The following PKD1L1 variants were observed in gnomAD, a reference collection of about 807,000 sequenced individuals.
PKD1L1 encodes polycystin 1 like 1, transient receptor potential channel interacting, also known as polycystin-1-like protein 1.
PKD1L1 carries 236 observed loss-of-function variants against 323.4 expected under a neutral mutation model. The observed-to-expected ratio is 0.73, with a 90% CI of 0.66 to 0.81. The LOEUF (loss-of-function observed/expected upper bound fraction) is 0.81. Among genes scored for constraint, PKD1L1 ranks in the 40% least tolerant of loss-of-function variants. PKD1L1 has a pLI of 0.00. For synonymous variants in PKD1L1, 1,344 were observed against 1,335.0 expected (o/e 1.01, Z -0.15); for missense variants, 3,320 against 3,508.0 (o/e 0.95, Z 1.35).
chr7:47,922,564 C>T (rs1373479242), intron 7 of PKD1L1, among the ~76,000 whole-genome samples: 1 of 152,028 alleles, frequency 6.6e-6, no homozygotes, highest in Non-Finnish European at 1.5e-5. Flanking sequence ...CAGGCCGCGA[C>T]CCCGTCTGGG....
At chr7:47,864,848 C>T (rs1476290330) in intron 26 of PKD1L1, among the ~76,000 whole-genome samples, 1 of 151,930 alleles carries the variant, frequency 6.6e-6, no homozygotes, top group Non-Finnish European at 1.5e-5. Flanking sequence ...TAGAGTACTC[C>T]TCCTGAGTAG....
At chr7:47,846,692 G>A (rs1391460133) in intron 32 of PKD1L1, among the ~76,000 whole-genome samples, 187 bp downstream of exon 32, 2 of 152,218 alleles carry the variant, frequency 1.3e-5, no homozygotes, top group African/African-American at 4.8e-5. Flanking sequence ...CATAGAGTGG[G>A]AGAACCAAGG....
At position 47,904,554 on chromosome 7, in the gene PKD1L1, G is replaced by A. The variant is rs1352717154; in HGVS notation, c.1755C>T (p.Ile585=). 1.2e-6 allele frequency: 2 copies of A among 1,614,020 alleles called. No individual in the cohort carries two copies. Among genetic ancestry groups the A allele is most frequent in the Admixed American group, 3.3e-5 (2 of 59,992 alleles). ...MSSVVSEPHV[I]RVQKKIVANR... The stretch of plus-strand genomic sequence containing the variant: ...TGGCCACAATTTTCTTCTGCACCCT[G>A]ATGACATGGGGCTCAGAGACCACAC... The change falls in exon 12 of 57, where the codon ATC becomes ATT. Residue 585 remains isoleucine, a synonymous_variant. Coordinates refer to ENST00000289672, the MANE Select transcript of PKD1L1 (RefSeq NM_138295.5).
intron 24 of PKD1L1, among the ~76,000 whole-genome samples, chr7:47,870,983 AG>A (rs1554405135): frequency 0.16 from 16,374 of 101,214 alleles, 1,204 homozygotes; most frequent in African/African-American, 0.21. Context: ...AAAAAAAAAA[AG>A]AAAAAAAAAA....
At chr7:47,888,229 G>T in intron 16 of PKD1L1, 79 bp from the exon 17 acceptor site, 1 of 1,413,972 alleles carries the variant, frequency 7.1e-7, no homozygotes, top group South Asian at 1.3e-5. Context: ...TGTTAGGCAT[G>T]TTTAAATCAC....
At chr7:47,918,630 C>T (rs183646470) in intron 7 of PKD1L1, among the ~76,000 whole-genome samples, 23 of 152,216 alleles carry the variant, frequency 1.5e-4, no homozygotes, top group Non-Finnish European at 2.6e-4. Context: ...CAAAACAAGC[C>T]TCAATAAATT....
At chr7:47,864,533 A>G (rs1248063225) in intron 26 of PKD1L1, among the ~76,000 whole-genome samples, 1 of 151,868 alleles carries the variant, frequency 6.6e-6, no homozygotes, top group Non-Finnish European at 1.5e-5. Context: ...CTACTTTGGG[A>G]TTCCAAATTT....
chr7:47,943,492 A>G lies in PKD1L1; in HGVS notation c.64T>C (p.Cys22Arg), dbSNP rs1788039565. The G allele has an allele frequency of 1.2e-6, 2 of 1,612,958 alleles. No homozygotes were observed. Among genetic ancestry groups the G allele is most frequent in the South Asian group, 2.2e-5 (2 of 91,078 alleles). ...GACAGCTCACCACCAAAGGAAAGGC[A>G]GCAGGCAGCCTGGAGACACCTAAGG... ...DQERCLQAAC[C>R]LSFGGELSVS... Residue 22 changes from cysteine to arginine, a missense_variant, in exon 2 of 57, where the codon TGC (cysteine) becomes CGC (arginine). Cys to Arg is a radical substitution (Grantham distance 180). Transcript: ENST00000289672.
chr7:47,855,393 G>C, intron 28 of PKD1L1, 128 bp from the exon 29 acceptor site: 2 of 584,808 alleles, frequency 3.4e-6, no homozygotes, highest in South Asian at 7.0e-5. Flanking sequence ...GATATTAGAA[G>C]CTAGCATACA....
intron 55 of PKD1L1, among the ~76,000 whole-genome samples, chr7:47,793,039 T>G (rs1786987286): frequency 7.3e-6 from 1 of 137,646 alleles, no homozygotes; most frequent in African/African-American, 2.6e-5. Context: ...CAGTTAATAA[T>G]GCCTACATAA....
In PKD1L1 at chr7:47,922,522, C is replaced by T. The variant is rs184850561; in HGVS notation, c.1060+6682G>A. Among the ~76,000 whole-genome samples the T allele has an allele frequency of 3.1e-3, 473 of 151,818 alleles. 1 individual carries two copies. The highest frequency in any genetic ancestry group is 0.011 in the African/African-American group (444 of 41,410). On this transcript the variant is annotated intron_variant, in intron 7 of 56. Transcript: ENST00000289672. ...GATGTGGGGAGCACCTCTGCCCCGCCGCCCCGTCTGAGATGTGAAGAGCGC... is the reference window on the plus strand; with the variant it reads ...GATGTGGGGAGCACCTCTGCCCCGCTGCCCCGTCTGAGATGTGAAGAGCGC...
intron 34 of PKD1L1, among the ~76,000 whole-genome samples, chr7:47,841,150 T>C: frequency 6.6e-6 from 1 of 152,276 alleles, no homozygotes. Flanking sequence ...TTGACTAGTT[T>C]CTAAACTTTG....
chr7:47,855,372 A>T (rs1785876965), intron 28 of PKD1L1, 107 bp from the exon 29 acceptor site: 10 of 688,834 alleles, frequency 1.5e-5, no homozygotes, highest in Non-Finnish European at 2.4e-5. Flanking sequence ...CTTACATAAA[A>T]TTATATGCCT....
At chr7:47,889,868 G>A (rs1044875797) in intron 16 of PKD1L1, among the ~76,000 whole-genome samples, 3 of 152,122 alleles carry the variant, frequency 2.0e-5, no homozygotes, top group African/African-American at 7.2e-5. Flanking sequence ...AGGTGGGCCT[G>A]GGCTCCTGCT....
chr7:47,869,651 T>C (rs62450664), intron 24 of PKD1L1, among the ~76,000 whole-genome samples: 48,861 of 151,714 alleles, frequency 0.32, 8,355 homozygotes, highest in African/African-American at 0.43. Context: ...AAACTCAAAA[T>C]AATAATACTG....
At chr7:47,917,064 G>C (rs1050627822) in intron 7 of PKD1L1, among the ~76,000 whole-genome samples, 1 of 151,954 alleles carries the variant, frequency 6.6e-6, no homozygotes, top group African/African-American at 2.4e-5. Flanking sequence ...CCAGTGTAAG[G>C]AAATCCAAAA....
the PKD1L1 span, chr7:47,956,921 T>G: frequency 6.5e-6 from 1 of 152,820 alleles, no homozygotes; most frequent in African/African-American, 2.4e-5. Flanking sequence ...ATAAATTGAT[T>G]GGTCATTACT....
chr7:47,803,353 G>T lies in PKD1L1; in HGVS notation c.7828-9C>A. ...CGGAGCCATCGAGCCCTCTGAGACA[G>T]AAGAACATAACAGTCAGTGTGCCAT... On this transcript the variant is annotated splice_polypyrimidine_tract_variant and intron_variant, in intron 52 of 56. Coordinates refer to ENST00000289672, the MANE Select transcript of PKD1L1 (RefSeq NM_138295.5). The T allele has an allele frequency of 1.9e-6, 3 of 1,613,342 alleles. No individual in the cohort carries two copies. Among genetic ancestry groups the T allele is most frequent in the Non-Finnish European group, 2.5e-6 (3 of 1,179,882 alleles).
intron 46 of PKD1L1, among the ~76,000 whole-genome samples, chr7:47,820,091 C>T (rs1239139957): frequency 6.6e-6 from 1 of 152,198 alleles, no homozygotes; most frequent in Admixed American, 6.5e-5. Flanking sequence ...TTCAAAGCCA[C>T]ACTGCCTTGA....
Sources: allele counts gnomAD v4.1 joint callset (sites outside exome capture counted in the v4.1 genomes callset), GRCh38; gene constraint gnomAD v4.1.1; transcripts MANE v1.5; gene names NCBI Gene and HGNC (gene_info 2026-07-23, HGNC 2026-07-21).